Variants in KCNAB2 observed in about 807,000 individuals in gnomAD.
KCNAB2 encodes the protein potassium voltage-gated channel subfamily A regulatory beta subunit 2.
In KCNAB2, 29 loss-of-function variants were observed where a neutral mutation model predicts 63.6. That is an observed-to-expected ratio of 0.46 (90% confidence interval 0.34 to 0.62). KCNAB2 has a LOEUF of 0.62. KCNAB2 is among the 20% of genes least tolerant of loss of function. The pLI is 0.01. For synonymous variants in KCNAB2, 222 were observed against 224.2 expected, an observed-to-expected ratio of 0.99 and a Z score of 0.09; for missense variants, 359 against 563.9, an observed-to-expected ratio of 0.64 and a Z score of 3.68.
In KCNAB2 at chr1:6,051,730, C is replaced by T; in HGVS notation, c.194C>T (p.Ala65Val). 1 of 1,533,442 alleles carries T rather than the reference C, an allele frequency of 6.5e-7. No homozygotes were observed. Among genetic ancestry groups the T allele is most frequent in the Non-Finnish European group, 8.7e-7 (1 of 1,146,544 alleles). The allele number at this position is 1,533,442 out of a possible 1,614,324, so 95.0% of individuals were successfully genotyped here. ...GGCCTTTCCCTGGACGGCTGCACCG[C>T]CCAGCGCACAGGCATGAAGTATCGG... Reference protein sequence around the residue: ...MHGLSLDGCTAQRTGMKYRNL... With the variant: ...MHGLSLDGCTVQRTGMKYRNL... Residue 65 changes from alanine to valine, a missense_variant, in exon 2 of 16, where the codon GCC (alanine) becomes GTC (valine). Ala to Val is a moderately conservative substitution (Grantham distance 64). Coordinates refer to ENST00000378083, the MANE Select transcript of KCNAB2 (RefSeq NM_001199862.2).
chr1:6,051,275 G>T (rs1661358553), intron 1 of KCNAB2, among the ~76,000 whole-genome samples: 1 of 152,238 alleles, frequency 6.6e-6, no homozygotes, highest in Non-Finnish European at 1.5e-5. Flanking sequence ...AGATGCAGGG[G>T]ACAGAAAAGG....
upstream of KCNAB2, among the ~76,000 whole-genome samples, chr1:6,031,209 G>A (rs1199904809): frequency 6.6e-6 from 1 of 152,144 alleles, no homozygotes; most frequent in African/African-American, 2.4e-5. This position sits in a 1 kb window ranked among gnomAD's most constrained non-coding sequence, Gnocchi z 4.1. Context: ...CTTGGCTTAA[G>A]CCATTCATTT....
intron 15 of KCNAB2, chr1:6,098,120 G>A (rs141752717): frequency 1.7e-4 from 172 of 1,013,372 alleles, no homozygotes; most frequent in Middle Eastern, 9.7e-4. Context: ...TGTGTCACCC[G>A]GAAGGGTGGC....
At chr1:6,097,424 C>A in intron 15 of KCNAB2, 67 bp downstream of exon 15, 1 of 1,546,768 alleles carries the variant, frequency 6.5e-7, no homozygotes, top group East Asian at 2.4e-5. Flanking sequence ...GTGCATCCTC[C>A]CAGGCTCGTC....
At chr1:6,098,291 T>G (rs1665815732) in intron 15 of KCNAB2, 194 bp from the exon 16 acceptor site, 1 of 1,403,462 alleles carries the variant, frequency 7.1e-7, no homozygotes, top group Non-Finnish European at 9.3e-7. Flanking sequence ...GACCCAGGCA[T>G]GCTTCCTCTC....
chr1:6,031,065 AG>A (rs1251453255), upstream of KCNAB2, among the ~76,000 whole-genome samples: 2 of 152,218 alleles, frequency 1.3e-5, no homozygotes, highest in African/African-American at 2.4e-5. This position sits in a 1 kb window ranked among gnomAD's most constrained non-coding sequence, Gnocchi z 4.1. Flanking sequence ...ATCAGGTGCC[AG>A]CTCCATCAAC....
chr1:6,087,389 G>A lies in KCNAB2; in HGVS notation c.426-78G>A. 1.3e-6 allele frequency: 2 copies of A among 1,484,194 alleles called. No individual in the cohort carries two copies. The allele number at this position is 1,484,194 out of a possible 1,614,324, so 91.9% of individuals were successfully genotyped here. ...GGGCTTTCAGGACCTCTGTGTGAGA[G>A]ATGAGGACGTCGGGGATGAAGGAGG... On this transcript the variant is annotated intron_variant, in intron 6 of 15. Coordinates refer to ENST00000378083, the MANE Select transcript of KCNAB2 (RefSeq NM_001199862.2). This position sits in a 1 kb window ranked among gnomAD's most constrained non-coding sequence, Gnocchi z 6.4.
chr1:6,023,112 C>T (rs1658942369), intron 1 of KCNAB2, among the ~76,000 whole-genome samples: 2 of 152,052 alleles, frequency 1.3e-5, no homozygotes, highest in Admixed American at 1.3e-4. Context: ...GAACTCCTGA[C>T]CTCAAGTGAT....
chr1:5,997,151 G>A (rs752303329), intron 1 of KCNAB2, among the ~76,000 whole-genome samples: 2 of 152,204 alleles, frequency 1.3e-5, no homozygotes. Context: ...GTCGGACGAG[G>A]CGCCCCAGCC....
chr1:6,090,122 G>A (rs746837083), intron 8 of KCNAB2, among the ~76,000 whole-genome samples: 2 of 152,236 alleles, frequency 1.3e-5, no homozygotes, highest in East Asian at 1.9e-4. Context: ...TATTGTCTGA[G>A]GGAGGAGGGG....
chr1:6,030,848 ATGTG>A (rs1303951548), upstream of KCNAB2, among the ~76,000 whole-genome samples: 2 of 148,600 alleles, frequency 1.3e-5, no homozygotes, highest in East Asian at 4.0e-4. Context: ...GTGTGTAGGT[ATGTG>A]TGTGTATGTA....
At chr1:6,054,042 T>TA (rs566086045) in intron 2 of KCNAB2, among the ~76,000 whole-genome samples, 37,294 of 137,460 alleles carry the variant, frequency 0.27, 5,090 homozygotes, top group East Asian at 0.39. Context: ...GACCCTGTCT[T>TA]AAAAAAAAAA....
intron 7 of KCNAB2, among the ~76,000 whole-genome samples, chr1:6,088,658 C>T (rs1043334847): frequency 5.9e-5 from 9 of 151,916 alleles, no homozygotes; most frequent in African/African-American, 2.2e-4. Context: ...GCTGGGATTA[C>T]AGGCGTGAGC....
intron 1 of KCNAB2, among the ~76,000 whole-genome samples, chr1:6,011,297 A>G (rs1470548987): frequency 2.1e-5 from 3 of 141,572 alleles, no homozygotes; most frequent in Admixed American, 2.1e-4. Flanking sequence ...TGCGGGAGAC[A>G]GGCAGGCGGC....
In KCNAB2 at chr1:6,088,712, T is replaced by A. The variant is rs868428473; in HGVS notation, c.471-296T>A. ...GTGTTCTTAATTTAAAAAATAATAA[T>A]AATAATAATAATAATAATAAGTCCA... is the stretch of plus-strand genomic sequence containing the variant. On this transcript the variant is annotated intron_variant, in intron 7 of 15. Coordinates refer to ENST00000378083, the MANE Select transcript of KCNAB2 (RefSeq NM_001199862.2). Among the ~76,000 whole-genome samples the A allele has an allele frequency of 8.1e-3, 1,203 of 149,422 alleles. 15 individuals carry two copies. Among genetic ancestry groups the A allele is most frequent in the African/African-American group, 0.026 (1,057 of 40,668 alleles).
intron 10 of KCNAB2, 59 bp from the exon 11 acceptor site, chr1:6,094,339 CCG>C: frequency 7.7e-7 from 1 of 1,304,864 alleles, no homozygotes; most frequent in Non-Finnish European, 1.1e-6. Flanking sequence ...GCAGAATGTC[CCG>C]AGGCTGGCCC....
At position 6,097,639 on chromosome 1, in the gene KCNAB2, G is replaced by A. The variant is rs149258806; in HGVS notation, c.1158+282G>A. 2.1e-4 allele frequency: 124 copies of A among 589,778 alleles called. 2 individuals are homozygous for A. In the South Asian group the frequency reaches 2.2e-3, roughly 11 times the overall value. The allele number at this position is 589,778 out of a possible 1,614,324, so 36.5% of individuals were successfully genotyped here. On this transcript the variant is annotated intron_variant, in intron 15 of 15. Coordinates refer to ENST00000378083, the MANE Select transcript of KCNAB2 (RefSeq NM_001199862.2). ...GGGAGCTGGGGCCAGGGACGGTGGC[G>A]CTGCAGACTCAGGTTCAAGGGGGCC...
intron 1 of KCNAB2, among the ~76,000 whole-genome samples, chr1:5,997,027 G>A (rs1656978149): frequency 6.6e-6 from 1 of 152,192 alleles, no homozygotes; most frequent in Non-Finnish European, 1.5e-5. Context: ...AAGCCACACG[G>A]ATCATTCGTG....
chr1:6,057,234 G>A (rs1661916162), intron 2 of KCNAB2, among the ~76,000 whole-genome samples: 1 of 151,810 alleles, frequency 6.6e-6, no homozygotes, highest in South Asian at 2.1e-4. Context: ...TGAACTCCTG[G>A]CAGGGCAGGA....
Sources: gnomAD v4.1 joint callset for allele counts (sites outside exome capture counted in the v4.1 genomes callset) on GRCh38, gnomAD v4.1.1 for gene constraint, Gnocchi (gnomAD v3.1) non-coding constraint, MANE v1.5 for transcripts, NCBI Gene and HGNC (gene_info 2026-07-23, HGNC 2026-07-21) for gene names.